SLC25A6: variants seen among roughly 807,000 people sequenced by gnomAD.
SLC25A6 encodes solute carrier family 25 member 6.
A neutral mutation model predicts 25.7 loss-of-function variants in SLC25A6; 9 were observed. The ratio of observed to expected loss-of-function variants is 0.35; its 90% confidence interval spans 0.21 to 0.61. The LOEUF is 0.61. SLC25A6 is among the 20% of genes least tolerant of loss of function. The probability of loss-of-function intolerance (pLI) is 0.76; values close to 1 mark genes in which losing one functional copy is unlikely to be tolerated. For synonymous variants in SLC25A6, 223 were observed against 197.0 expected (o/e 1.13, Z -1.11); for missense variants, 404 against 440.5 (o/e 0.92, Z 0.74).
rs762710449 is a variant in SLC25A6, at chrX:1,387,501, G to A, written c.599-82C>T. On this transcript the variant is annotated intron_variant, in intron 2 of 3. Transcript: ENST00000381401. ...GGTCGGCCCCCAGGGTGTGCTCACG[G>A]CCCCCTGAGGTGGTGCCGAGCTCTT... 6.4e-6 allele frequency: 10 copies of A among 1,565,680 alleles called. No homozygotes were observed. The African/African-American group carries it at 1.2e-4, about 19-fold the overall frequency.
At chrX:1,389,165 T>A (rs1380364005) in intron 2 of SLC25A6, 76 bp downstream of exon 2, 1 of 1,521,494 alleles carries the variant, frequency 6.6e-7, no homozygotes, top group Admixed American at 1.9e-5. Context: ...TCTCAGACCT[T>A]CAGCCCACAG....
chrX:1,389,948 C>T (rs1387389966), intron 1 of SLC25A6, among the ~76,000 whole-genome samples: 30 of 151,952 alleles, frequency 2.0e-4, no homozygotes, highest in Admixed American at 1.3e-3. Context: ...TTAGTAGAGA[C>T]GAGCGTTCCA....
chrX:1,389,662 G>A lies in SLC25A6; in HGVS notation c.177C>T (p.Val59=), dbSNP rs2089376007. Residue 59 remains valine (V), a synonymous_variant, in exon 2 of 4, where the codon GTC becomes GTT. Coordinates refer to ENST00000381401, the MANE Select transcript of SLC25A6 (RefSeq NM_001636.4). ...GCACGCCCTGCTCCTTGGGGATGCG[G>A]ACAATGCAGTCCACGATGCCCTTGT... ...KQYKGIVDCI[V]RIPKEQGVLS... 6.2e-7 allele frequency: 1 copy of A among 1,613,944 alleles called. No homozygotes were observed. Among genetic ancestry groups the A allele is most frequent in the South Asian group, 1.1e-5 (1 of 91,072 alleles).
chrX:1,392,029 G>A lies in SLC25A6; in HGVS notation c.-20C>T, dbSNP rs770782019. 3 of 1,572,168 alleles carry A rather than the reference G, an allele frequency of 1.9e-6. No homozygotes were observed. Among genetic ancestry groups the A allele is most frequent in the Non-Finnish European group, 2.6e-6 (3 of 1,150,834 alleles). On this transcript the variant is annotated 5_prime_UTR_variant, in exon 1 of 4. Coordinates refer to ENST00000381401, the MANE Select transcript of SLC25A6 (RefSeq NM_001636.4). The stretch of plus-strand genomic sequence containing the variant: ...CGTCATGGTGGCAGGGCGGGCAGCG[G>A]AACGGGAGGACAGCCGGAGAACGGG...
At chrX:1,389,795 G>A (rs2089377956) in intron 1 of SLC25A6, 68 bp from the exon 2 acceptor site, 1 of 1,571,626 alleles carries the variant, frequency 6.4e-7, no homozygotes, top group Non-Finnish European at 8.6e-7. Context: ...CAGCTACAGG[G>A]TGCATCCTTT....
Position 1,391,857 on chromosome X carries a change from CCCGTCCCCTAGTCCCCGGAGCGG to C in SLC25A6, c.111+19_111+41del. ...CCCCGCCCGACCCGGCCACTCGGTT[CCCGTCCCCTAGTCCCCGGAGCGG>C]CCGCGCCCGCGTCCCCACCTGCAGC... On this transcript the variant is annotated intron_variant, in intron 1 of 3. Transcript: ENST00000381401. 6.7e-7 allele frequency: 1 copy of C among 1,489,196 alleles called. No individual in the cohort carries two copies. The highest frequency in any genetic ancestry group is 1.2e-5 in the South Asian group (1 of 82,930). The allele number at this position is 1,489,196 out of a possible 1,614,324, so 92.2% of individuals were successfully genotyped here.
Position 1,389,311 on chromosome X carries a change from G to A in SLC25A6, c.528C>T (p.Gly176=). The change falls in exon 2 of 4, where the codon GGC becomes GGT. Residue 176 remains glycine (G), a synonymous_variant. Transcript: ENST00000381401. ...TGATGCCCTGCACGGAGACACTGAA[G>A]CCCTGGTACAGGCCCCGGATGCCGT... The part of the protein sequence containing the change: ...KSDGIRGLYQ[G]FSVSVQGIII... The A allele has an allele frequency of 6.2e-7, 1 of 1,613,888 alleles. No individual in the cohort carries two copies.
In SLC25A6 at chrX:1,389,320, C is replaced by G. The variant is rs756885764; in HGVS notation, c.519G>C (p.Leu173=). Residue 173 remains leucine, a synonymous_variant, in exon 2 of 4, where the codon CTG becomes CTC. Transcript: ENST00000381401. ...KITKSDGIRG[L]YQGFSVSVQG... is the part of the protein sequence containing the mutation. Reference sequence around the variant, plus strand: ...GCACGGAGACACTGAAGCCCTGGTACAGGCCCCGGATGCCGTCGGACTTGG... The same window carrying G: ...GCACGGAGACACTGAAGCCCTGGTAGAGGCCCCGGATGCCGTCGGACTTGG... The G allele has an allele frequency of 6.2e-7, 1 of 1,613,904 alleles. No individual in the cohort carries two copies. The highest frequency in any genetic ancestry group is 1.7e-5 in the Admixed American group (1 of 60,008).
In SLC25A6 at chrX:1,389,292, C is replaced by T; in HGVS notation, c.547G>A (p.Gly183Ser). The part of the protein sequence containing the change: ...LYQGFSVSVQ[G>S]IIIYRAAYFG... ...TAGGCCGCCCGGTAGATGATGATGC[C>T]CTGCACGGAGACACTGAAGCCCTGG... The change falls in exon 2 of 4, where the codon GGC becomes AGC. Residue 183 changes from glycine (G) to serine (S), a missense_variant. Transcript: ENST00000381401. 1 of 1,613,894 alleles carries T rather than the reference C, an allele frequency of 6.2e-7. No individual in the cohort carries two copies. Among genetic ancestry groups the T allele is most frequent in the Non-Finnish European group, 8.5e-7 (1 of 1,179,866 alleles).
At chrX:1,387,247 C>T (rs755793836) in intron 3 of SLC25A6, 32 bp downstream of exon 3, 95 of 1,606,512 alleles carry the variant, frequency 5.9e-5, no homozygotes, top group East Asian at 4.5e-4. Context: ...TTCCCCTTCC[C>T]GGCAGCAAGG....
intron 1 of SLC25A6, among the ~76,000 whole-genome samples, chrX:1,390,681 GC>G (rs2089391878): frequency 2.0e-5 from 3 of 146,730 alleles, no homozygotes; most frequent in African/African-American, 2.6e-5. Context: ...GGGACACCCC[GC>G]CCTGCTAAGT....
intron 3 of SLC25A6, 69 bp from the exon 4 acceptor site, chrX:1,386,828 C>T: frequency 1.3e-6 from 2 of 1,524,952 alleles, no homozygotes; most frequent in East Asian, 4.7e-5. Flanking sequence ...CACCTGCACC[C>T]ACAAAGACGT....
chrX:1,392,044 C>T lies in SLC25A6; in HGVS notation c.-35G>A, dbSNP rs765383915. On this transcript the variant is annotated 5_prime_UTR_variant, in exon 1 of 4. Coordinates refer to ENST00000381401, the MANE Select transcript of SLC25A6 (RefSeq NM_001636.4). ...GCGGGCAGCGGAACGGGAGGACAGCCGGAGAACGGGCGCGGAGAGTGAATG... is the reference window on the plus strand; with the variant it reads ...GCGGGCAGCGGAACGGGAGGACAGCTGGAGAACGGGCGCGGAGAGTGAATG... 2.0e-5 allele frequency: 30 copies of T among 1,519,372 alleles called. No homozygotes were observed. The highest frequency in any genetic ancestry group is 2.6e-5 in the Non-Finnish European group (29 of 1,107,974). 94.1% of individuals were successfully genotyped at this position (1,519,372 alleles called of 1,614,324 possible).
rs150164208 is a variant in SLC25A6, at chrX:1,389,520, T to A, written c.319A>T (p.Thr107Ser). The A allele has an allele frequency of 4.8e-5, 78 of 1,614,046 alleles. No homozygotes were observed. Among genetic ancestry groups the A allele is most frequent in the Middle Eastern group, 3.3e-4 (2 of 6,082 alleles). Reference sequence around the variant, plus strand: ...CCCGCAAAGTACCTCCAGAACTGCGTGTGCTTGTCCACGCCCCCCAGGAAG... The same window carrying A: ...CCCGCAAAGTACCTCCAGAACTGCGAGTGCTTGTCCACGCCCCCCAGGAAG... ...QIFLGGVDKH[T>S]QFWRYFAGNL... is the part of the protein sequence containing the mutation. The change falls in exon 2 of 4, where the codon ACG (threonine) becomes TCG (serine). Residue 107 changes from threonine (T) to serine (S), a missense_variant. Transcript: ENST00000381401.
rs1251923057 is a variant in SLC25A6 at position 1,387,399 on chromosome X, T to A, written c.619A>T (p.Asn207Tyr). ...TAKGMLPDPK[N>Y]THIVVSWMIA... ...ATCCAGCTCACCACGATGTGCGTGT[T>A]CTTGGGGTCGGGGAGCATGCCTGCG... Residue 207 changes from asparagine to tyrosine, a missense_variant, in exon 3 of 4, where the codon AAC becomes TAC. Asn to Tyr is a moderately radical substitution (Grantham distance 143). Coordinates refer to ENST00000381401, the MANE Select transcript of SLC25A6 (RefSeq NM_001636.4). 1.2e-6 allele frequency: 2 copies of A among 1,613,054 alleles called. No homozygotes were observed. The highest frequency in any genetic ancestry group is 3.3e-5 in the Admixed American group (2 of 60,006).
chrX:1,391,860 G>A (rs1438235395), intron 1 of SLC25A6, 39 bp downstream of exon 1: 1 of 1,496,486 alleles, frequency 6.7e-7, no homozygotes, highest in African/African-American at 1.4e-5. Flanking sequence ...CTCGGTTCCC[G>A]TCCCCTAGTC....
Position 1,389,275 on chromosome X carries a change from C to T in SLC25A6, c.564G>A (p.Arg188=), listed in dbSNP as rs1569529176. ...SVSVQGIIIY[R]AAYFGVYDTA... is the part of the protein sequence containing the mutation. The stretch of plus-strand genomic sequence containing the variant: ...TATCGTACACGCCGAAGTAGGCCGC[C>T]CGGTAGATGATGATGCCCTGCACGG... Residue 188 remains arginine, a synonymous_variant, in exon 2 of 4, where the codon CGG becomes CGA. Coordinates refer to ENST00000381401, the MANE Select transcript of SLC25A6 (RefSeq NM_001636.4). The T allele has an allele frequency of 1.2e-6, 2 of 1,613,688 alleles. No individual in the cohort carries two copies. The highest frequency in any genetic ancestry group is 1.3e-5 in the African/African-American group (1 of 74,922).
chrX:1,390,817 ACT>A (rs2089395321), intron 1 of SLC25A6, among the ~76,000 whole-genome samples: 6 of 133,574 alleles, frequency 4.5e-5, no homozygotes, highest in Non-Finnish European at 6.4e-5. Flanking sequence ...TAAGTTTAAA[ACT>A]TTTTCTTAGA....
At position 1,389,738 on chromosome X, in the gene SLC25A6, C is replaced by A. The variant is rs544461764; in HGVS notation, c.112-11G>T. The A allele has an allele frequency of 1.9e-6, 3 of 1,610,592 alleles. No individual in the cohort carries two copies. Among genetic ancestry groups the A allele is most frequent in the Non-Finnish European group, 2.5e-6 (3 of 1,178,516 alleles). ...GCTGGCGTGCTGGACCTGGGGGACG[C>A]AGAGGGTGTTCAGACCAGACCCAGG... On this transcript the variant is annotated splice_polypyrimidine_tract_variant and intron_variant, in intron 1 of 3. Coordinates refer to ENST00000381401, the MANE Select transcript of SLC25A6 (RefSeq NM_001636.4).
Sources: allele counts gnomAD v4.1 joint callset (sites outside exome capture counted in the v4.1 genomes callset), GRCh38; gene constraint gnomAD v4.1.1; transcripts MANE v1.5; gene names NCBI Gene and HGNC (gene_info 2026-07-23, HGNC 2026-07-21).